Variants in TRAPPC3L observed in about 807,000 individuals in gnomAD.
The protein encoded by TRAPPC3L is trafficking protein particle complex subunit 3L.
TRAPPC3L carries 23 observed loss-of-function variants against 23.7 expected under a neutral mutation model. That is an observed-to-expected ratio of 0.97 (90% CI 0.70 to 1.37). The LOEUF is 1.37. Ranked by LOEUF, TRAPPC3L falls within the 40% of genes most tolerant of loss-of-function variation. The pLI is 0.00. For synonymous variants in TRAPPC3L, 81 were observed against 77.9 expected (o/e 1.04, Z -0.21); for missense variants, 212 against 216.8 (o/e 0.98, Z 0.14).
chr6:116,511,599 T>C (rs756270779), intron 3 of TRAPPC3L: 50 of 1,074,370 alleles, frequency 4.7e-5, no homozygotes, highest in Non-Finnish European at 6.5e-5. Context: ...TGAGAAGGAC[T>C]GTTGTTTCTG....
rs1771837943 is a variant in TRAPPC3L at position 116,496,722 on chromosome 6, G to C, written c.*232C>G. 2.2e-6 allele frequency: 1 copy of C among 454,858 alleles called. No homozygotes were observed. Among genetic ancestry groups the C allele is most frequent in the Non-Finnish European group, 3.7e-6 (1 of 267,744 alleles). 28.2% of individuals were successfully genotyped at this position (454,858 alleles called of 1,614,324 possible). A position where few individuals can be genotyped will look rare whatever the true frequency, so the allele number is the denominator to read the frequency against. On this transcript the variant is annotated 3_prime_UTR_variant, in exon 5 of 5. Transcript: ENST00000368602. ...ATGTGGAATTCCTGCCTGCTATCTTGTAAGGAGCTATTTGCATATGAAATT... is the reference window on the plus strand; with the variant it reads ...ATGTGGAATTCCTGCCTGCTATCTTCTAAGGAGCTATTTGCATATGAAATT...
chr6:116,511,507 A>T (rs1186864881), intron 3 of TRAPPC3L: 1 of 579,640 alleles, frequency 1.7e-6, no homozygotes, highest in African/African-American at 1.9e-5. Flanking sequence ...AATTTCCACC[A>T]GTAGGAGGCA....
chr6:116,515,644 G>C lies in TRAPPC3L; in HGVS notation c.241-14978C>G, dbSNP rs1450332929. 6 of 1,613,796 alleles carry C rather than the reference G, an allele frequency of 3.7e-6. No individual in the cohort carries two copies. The South Asian group carries it at 4.4e-5, about 12-fold the overall frequency. On this transcript the variant is annotated intron_variant, in intron 3 of 4. Transcript: ENST00000368602. The stretch of plus-strand genomic sequence containing the variant: ...TTTGTTCAGCGTCTTTCTTCTCTCT[G>C]CTCACCACATGTTATGCTCGCTGCC...
chr6:116,504,838 C>G (rs796184147), intron 3 of TRAPPC3L, among the ~76,000 whole-genome samples: 1 of 152,188 alleles, frequency 6.6e-6, no homozygotes, highest in African/African-American at 2.4e-5. Flanking sequence ...TAAAAACTCT[C>G]TATAAACTAG....
chr6:116,495,067 T>A lies in TRAPPC3L; in HGVS notation c.*1887A>T, dbSNP rs1771814933. 7.1e-6 allele frequency: 1 copy of A among 141,038 alleles called. No individual in the cohort carries two copies. The highest frequency in any genetic ancestry group is 7.4e-5 in the Admixed American group (1 of 13,530). 8.7% of individuals were successfully genotyped at this position (141,038 alleles called of 1,614,324 possible). A position where few individuals can be genotyped will look rare whatever the true frequency, so the allele number is the denominator to read the frequency against. On this transcript the variant is annotated 3_prime_UTR_variant, in exon 5 of 5. Transcript: ENST00000368602. ...ATCCTCCCACTTTGGCATCCCAAAG[T>A]GCAGAGATTACAGGCTTGTGCCACC...
intron 3 of TRAPPC3L, chr6:116,511,845 A>G (rs1411223059): frequency 3.7e-6 from 6 of 1,613,900 alleles, no homozygotes; most frequent in Non-Finnish European, 4.2e-6. Context: ...AATATGACCT[A>G]TGGGCTGGTT....
At chr6:116,528,648 G>A (rs750457441) in intron 3 of TRAPPC3L, among the ~76,000 whole-genome samples, 11 of 151,644 alleles carry the variant, frequency 7.3e-5, no homozygotes, top group Non-Finnish European at 8.8e-5. Flanking sequence ...ATTGATTTCC[G>A]CTCCCTTCTC....
chr6:116,542,757 G>A (rs902596186), intron 2 of TRAPPC3L, among the ~76,000 whole-genome samples: 3 of 152,038 alleles, frequency 2.0e-5, no homozygotes, highest in Non-Finnish European at 4.4e-5. Flanking sequence ...TTTAAGAAAA[G>A]CATAGTAATG....
intron 3 of TRAPPC3L, among the ~76,000 whole-genome samples, chr6:116,534,364 T>C (rs1772938176): frequency 6.6e-6 from 1 of 152,202 alleles, no homozygotes; most frequent in Non-Finnish European, 1.5e-5. Flanking sequence ...GCTGTCTCCA[T>C]TCTAAAGCAG....
At chr6:116,507,666 A>C (rs971839753) in intron 3 of TRAPPC3L, among the ~76,000 whole-genome samples, 1 of 152,080 alleles carries the variant, frequency 6.6e-6, no homozygotes, top group Non-Finnish European at 1.5e-5. Flanking sequence ...TCTTGGTTGC[A>C]GGTATCCCCT....
chr6:116,543,694 A>T, intron 1 of TRAPPC3L: 12 of 836,362 alleles, frequency 1.4e-5, no homozygotes, highest in Non-Finnish European at 2.3e-5. Context: ...CATGGAGGAC[A>T]GTTTTTTAAA....
At chr6:116,533,873 T>C (rs1772904425) in intron 3 of TRAPPC3L, among the ~76,000 whole-genome samples, 1 of 152,202 alleles carries the variant, frequency 6.6e-6, no homozygotes, top group African/African-American at 2.4e-5. Context: ...ATAGTTTTCT[T>C]ACTGTCCCCA....
chr6:116,520,082 T>G (rs1027815334), intron 3 of TRAPPC3L: 1 of 152,180 alleles, frequency 6.6e-6, no homozygotes, highest in Non-Finnish European at 1.5e-5. Context: ...TTTGTATGGT[T>G]TTCTACTTGA....
At chr6:116,503,120 A>G (rs1374555728) in intron 3 of TRAPPC3L, among the ~76,000 whole-genome samples, 1 of 152,196 alleles carries the variant, frequency 6.6e-6, no homozygotes, top group Admixed American at 6.5e-5. Context: ...TGCTGTATTC[A>G]GGAGACCCAT....
chr6:116,512,212 A>G lies in TRAPPC3L; in HGVS notation c.241-11546T>C. The G allele has an allele frequency of 2.5e-6, 4 of 1,596,970 alleles. No individual in the cohort carries two copies. The South Asian group carries it at 3.3e-5, about 13-fold the overall frequency. ...TACCTACCGTCAATGAAGAACTGAA[A>G]CTCTCCCTTCAGGCCCAGTCTCAGG... On this transcript the variant is annotated intron_variant, in intron 3 of 4. Coordinates refer to ENST00000368602, the MANE Select transcript of TRAPPC3L (RefSeq NM_001139444.3).
rs1773577042 is a variant in TRAPPC3L, at chr6:116,543,327, T to A, written c.116A>T (p.Asp39Val). The A allele has an allele frequency of 6.5e-7, 1 of 1,549,576 alleles. No homozygotes were observed. The highest frequency in any genetic ancestry group is 8.7e-7 in the Non-Finnish European group (1 of 1,145,504). The change falls in exon 2 of 5, where the codon GAT becomes GTT. Residue 39 changes from aspartate (D) to valine (V), a missense_variant. Physicochemically the swap from Asp to Val is radical, Grantham distance 152 (BLOSUM62 -3). Transcript: ENST00000368602. Reference protein sequence around the residue: ...QLCKDYEKDEDVNQYLDKMGY... With the variant: ...QLCKDYEKDEVVNQYLDKMGY... Reference sequence around the variant, plus strand: ...CATTTTATCTAAATATTGGTTCACATCTTCATCCTTCTCATAATCCTTACA... The same window carrying A: ...CATTTTATCTAAATATTGGTTCACAACTTCATCCTTCTCATAATCCTTACA...
At chr6:116,524,480 A>G (rs1365850888) in intron 3 of TRAPPC3L, 1 of 152,194 alleles carries the variant, frequency 6.6e-6, no homozygotes, top group Non-Finnish European at 1.5e-5. Context: ...CTCGAATTGA[A>G]GGACAGCTTG....
chr6:116,545,500 T>G lies in TRAPPC3L; in HGVS notation c.15A>C (p.Ala5=). The change falls in exon 1 of 5, where the codon GCA becomes GCC. Residue 5 remains alanine (A), a synonymous_variant. Coordinates refer to ENST00000368602, the MANE Select transcript of TRAPPC3L (RefSeq NM_001139444.3). ...TTTTATGGTATTCTGGTCTTCGGTG[T>G]GCAGGGCGAGACATAGTGCTTGATA... MSRP[A]HRRPEYHKIN... 2 of 1,548,814 alleles carry G rather than the reference T, an allele frequency of 1.3e-6. No homozygotes were observed. The highest frequency in any genetic ancestry group is 1.7e-6 in the Non-Finnish European group (2 of 1,145,358).
At chr6:116,516,040 A>C in intron 3 of TRAPPC3L, 1 of 1,527,768 alleles carries the variant, frequency 6.5e-7, no homozygotes, top group Non-Finnish European at 8.8e-7. Flanking sequence ...TCATTCTGTG[A>C]TCCTCCTAAC....
Sources: gnomAD v4.1 joint callset for allele counts (sites outside exome capture counted in the v4.1 genomes callset) on GRCh38, gnomAD v4.1.1 for gene constraint, MANE v1.5 for transcripts, NCBI Gene and HGNC (gene_info 2026-07-23, HGNC 2026-07-21) for gene names.